CD59: variants seen among roughly 807,000 people sequenced by gnomAD.
The protein encoded by CD59 is CD59 molecule (CD59 blood group).
In CD59, 3 loss-of-function variants were observed where a neutral mutation model predicts 7.0. The observed-to-expected ratio is 0.43, with a 90% confidence interval of 0.19 to 1.10. The LOEUF (loss-of-function observed/expected upper bound fraction) is 1.10, where lower values mean the gene tolerates loss of function less well. Ranked by LOEUF, CD59 falls within the 50% of genes least tolerant of loss-of-function variation. CD59 has a pLI of 0.29. For synonymous variants in CD59, 60 were observed against 62.0 expected (o/e 0.97, Z 0.15); for missense variants, 143 against 151.0 (o/e 0.95, Z 0.28).
At chr11:33,722,304 G>T in intron 2 of CD59, 75 bp downstream of exon 2, 1 of 1,095,576 alleles carries the variant, frequency 9.1e-7, no homozygotes, top group Non-Finnish European at 1.4e-6. Flanking sequence ...AGCAGCTGGG[G>T]CTGAAACTGA....
At chr11:33,729,842 C>T (rs1201995100) in intron 1 of CD59, among the ~76,000 whole-genome samples, 1 of 151,956 alleles carries the variant, frequency 6.6e-6, no homozygotes, top group Non-Finnish European at 1.5e-5. Context: ...ATCCAAAACC[C>T]CAACCGGCCC....
intron 1 of CD59, among the ~76,000 whole-genome samples, chr11:33,726,801 A>C (rs1854272368): frequency 6.6e-6 from 1 of 152,194 alleles, no homozygotes; most frequent in Non-Finnish European, 1.5e-5. Context: ...AAGGAAAGAG[A>C]GAAGAATCAA....
intron 1 of CD59, among the ~76,000 whole-genome samples, chr11:33,725,941 T>A (rs1039435571): frequency 3.3e-5 from 5 of 152,128 alleles, no homozygotes; most frequent in African/African-American, 1.2e-4. Flanking sequence ...AGAAGGGCAT[T>A]ACATAATGGT....
rs1853388902 is a variant in CD59, at chr11:33,708,148, T to C, written c.*1978A>G. On this transcript the variant is annotated 3_prime_UTR_variant, in exon 4 of 4. Transcript: ENST00000642928. ...TATAAATGTCTTTACATTACAGTAT[T>C]GCCTTTGGGTCCAGGCACTCAACCT... The C allele has an allele frequency of 6.6e-6, 1 of 152,222 alleles. No homozygotes were observed. The highest frequency in any genetic ancestry group is 2.4e-5 in the African/African-American group (1 of 41,456). 9.4% of individuals were successfully genotyped at this position (152,222 alleles called of 1,614,324 possible).
intron 1 of CD59, among the ~76,000 whole-genome samples, chr11:33,734,276 G>C (rs930827267): frequency 2.0e-5 from 3 of 152,168 alleles, no homozygotes; most frequent in African/African-American, 7.2e-5. Context: ...ATCCAGCCAA[G>C]GTTCTCATGC....
intron 1 of CD59, among the ~76,000 whole-genome samples, chr11:33,724,618 T>C (rs1854197513): frequency 6.6e-6 from 1 of 151,854 alleles, no homozygotes; most frequent in Non-Finnish European, 1.5e-5. Flanking sequence ...GGAGGGAGTG[T>C]TGGGGGGTGA....
intron 1 of CD59, among the ~76,000 whole-genome samples, chr11:33,727,302 C>T (rs1854286584): frequency 6.6e-6 from 1 of 152,172 alleles, no homozygotes; most frequent in African/African-American, 2.4e-5. Flanking sequence ...AATCCAGCAG[C>T]ACATCAAAAA....
rs945056289 is a variant in CD59, at chr11:33,706,071, C to A, written c.*4055G>T. ...GCTCACTACCCCACAGTAAAAAGAA[C>A]CTTGAGTTTCCCAGTTCAGTCCCCT... On this transcript the variant is annotated 3_prime_UTR_variant, in exon 4 of 4. Coordinates refer to ENST00000642928, the MANE Select transcript of CD59 (RefSeq NM_000611.6). The A allele has an allele frequency of 3.9e-5, 6 of 152,134 alleles. No individual in the cohort carries two copies. Among genetic ancestry groups the A allele is most frequent in the African/African-American group, 1.4e-4 (6 of 41,484 alleles). 9.4% of individuals were successfully genotyped at this position (152,134 alleles called of 1,614,324 possible).
At chr11:33,715,325 C>T (rs575439064) in intron 3 of CD59, among the ~76,000 whole-genome samples, 2 of 152,264 alleles carry the variant, frequency 1.3e-5, no homozygotes, top group African/African-American at 4.8e-5. Context: ...TGCTGCTGGG[C>T]GTGGTAGCTC....
chr11:33,727,522 TC>T (rs1854295404), intron 1 of CD59, among the ~76,000 whole-genome samples: 1 of 152,160 alleles, frequency 6.6e-6, no homozygotes, highest in South Asian at 2.1e-4. Context: ...GGAATGTATC[TC>T]AAAATAATAA....
At chr11:33,711,033 A>T (rs528933324) in intron 3 of CD59, among the ~76,000 whole-genome samples, 1 of 81,100 alleles carries the variant, frequency 1.2e-5, no homozygotes, top group Non-Finnish European at 2.7e-5. Flanking sequence ...AGCTTGATTT[A>T]AAAAAAAAAA....
At chr11:33,725,869 C>T (rs1854241686) in intron 1 of CD59, among the ~76,000 whole-genome samples, 1 of 152,086 alleles carries the variant, frequency 6.6e-6, no homozygotes, top group African/African-American at 2.4e-5. Context: ...GCAAAAAAAG[C>T]AGGGGTTGCA....
intron 2 of CD59, chr11:33,717,972 C>T (rs754792997): frequency 2.7e-5 from 5 of 186,942 alleles, no homozygotes; most frequent in Non-Finnish European, 4.5e-5. Flanking sequence ...TGATTTGATG[C>T]GAGGGAACAC....
intron 2 of CD59, among the ~76,000 whole-genome samples, chr11:33,722,082 T>C (rs112865541): frequency 5.9e-5 from 9 of 152,122 alleles, no homozygotes; most frequent in South Asian, 2.1e-4. Flanking sequence ...ATGGTATCCA[T>C]TGGTGTCCCC....
intron 1 of CD59, among the ~76,000 whole-genome samples, chr11:33,725,025 T>G (rs1404771108): frequency 4.6e-5 from 7 of 152,112 alleles, no homozygotes; most frequent in African/African-American, 1.7e-4. Flanking sequence ...AGCTGATTGT[T>G]TTAAAGCTAT....
At chr11:33,722,017 C>T (rs1258677877) in intron 2 of CD59, among the ~76,000 whole-genome samples, 1 of 152,116 alleles carries the variant, frequency 6.6e-6, no homozygotes, top group Non-Finnish European at 1.5e-5. Context: ...AAGGACTGAG[C>T]TCAGATGGCT....
intron 1 of CD59, among the ~76,000 whole-genome samples, chr11:33,733,246 G>T (rs1005036337): frequency 1.3e-5 from 2 of 152,214 alleles, no homozygotes; most frequent in African/African-American, 4.8e-5. Flanking sequence ...TCAGACTTCT[G>T]ATTTACAGAA....
At chr11:33,735,487 G>A (rs912572754) in intron 1 of CD59, among the ~76,000 whole-genome samples, 3 of 152,150 alleles carry the variant, frequency 2.0e-5, no homozygotes, top group Admixed American at 6.5e-5. Context: ...CCAGGCAGTA[G>A]GGCAATGGCG....
intron 1 of CD59, among the ~76,000 whole-genome samples, chr11:33,734,798 C>G (rs147417456): frequency 6.2e-4 from 94 of 152,316 alleles, no homozygotes; most frequent in African/African-American, 2.2e-3. Flanking sequence ...TTGGCAATGT[C>G]TGTGGCGGTT....
Sources: gnomAD v4.1 joint callset for allele counts (sites outside exome capture counted in the v4.1 genomes callset) on GRCh38, gnomAD v4.1.1 for gene constraint, MANE v1.5 for transcripts, NCBI Gene and HGNC (gene_info 2026-07-23, HGNC 2026-07-21) for gene names.